Variants in FHOD3 observed in about 807,000 individuals in gnomAD.
FHOD3 encodes formin homology 2 domain containing 3.
A neutral mutation model predicts 173.0 loss-of-function variants in FHOD3; 90 were observed. The observed-to-expected ratio is 0.52, with a 90% CI of 0.44 to 0.62. The LOEUF (loss-of-function observed/expected upper bound fraction) is 0.62. Ranked by LOEUF, FHOD3 falls within the 20% of genes least tolerant of loss-of-function variation. FHOD3 has a pLI of 0.00. For missense variants in FHOD3, 1,945 were observed against 2,034.7 expected, an observed-to-expected ratio of 0.96 and a Z score of 0.85; for synonymous variants, 828 against 823.0, an observed-to-expected ratio of 1.01 and a Z score of -0.10.
chr18:36,440,303 C>T (rs2051061374), intron 3 of FHOD3, among the ~76,000 whole-genome samples: 1 of 152,224 alleles, frequency 6.6e-6, no homozygotes, highest in Non-Finnish European at 1.5e-5. Flanking sequence ...GCAGCAGAAG[C>T]AGGCGCAGGG....
intron 15 of FHOD3, among the ~76,000 whole-genome samples, chr18:36,683,644 T>C (rs907667708): frequency 6.6e-6 from 1 of 152,186 alleles, no homozygotes; most frequent in Admixed American, 6.5e-5. Flanking sequence ...AGAAGTCCTC[T>C]TTTTCCAGAC....
Position 36,493,961 on chromosome 18 carries a change from C to T in FHOD3, c.338-7971C>T, listed in dbSNP as rs185220570. Among the ~76,000 whole-genome samples, 32 of 152,294 alleles carry T rather than the reference C, an allele frequency of 2.1e-4. No individual in the cohort carries two copies. The East Asian group carries it at 3.7e-3, about 17-fold the overall frequency. ...TGTAATTATTAGTCTCACAGTTCAG[C>T]GATTTTTATAGACCCCAAAGCGTGA... On this transcript the variant is annotated intron_variant, in intron 3 of 28. Coordinates refer to ENST00000590592, the MANE Select transcript of FHOD3 (RefSeq NM_001281740.3).
chr18:36,430,847 C>T (rs868792698), intron 3 of FHOD3, among the ~76,000 whole-genome samples: 6 of 152,180 alleles, frequency 3.9e-5, no homozygotes, highest in Middle Eastern at 6.8e-3. Context: ...TGTTTAAAAA[C>T]AATCTGTTGT....
At chr18:36,307,585 C>A (rs748930047) in intron 1 of FHOD3, among the ~76,000 whole-genome samples, 4 of 152,178 alleles carry the variant, frequency 2.6e-5, no homozygotes, top group Non-Finnish European at 5.9e-5. Context: ...TTACTCAGAT[C>A]AGTATGTGTT....
chr18:36,655,745 C>CCACA (rs60138204), intron 13 of FHOD3, among the ~76,000 whole-genome samples: 36 of 137,952 alleles, frequency 2.6e-4, no homozygotes, highest in Middle Eastern at 7.4e-3. Flanking sequence ...CCCTCACCCT[C>CCACA]CACACACACA....
At chr18:36,545,390 A>T (rs1044953795) in intron 5 of FHOD3, among the ~76,000 whole-genome samples, 16 of 152,236 alleles carry the variant, frequency 1.1e-4, no homozygotes, top group Non-Finnish European at 1.9e-4. Context: ...GACACTATTT[A>T]TACAGGGTGG....
rs2036164815 is a variant in FHOD3, at chr18:36,652,938, G to T, written c.1646+9G>T. On this transcript the variant is annotated intron_variant, in intron 12 of 28. Transcript: ENST00000590592. The stretch of plus-strand genomic sequence containing the variant: ...TCCCAGAAGGAAAACAGGTAGATTT[G>T]CTCACCTGGAGGCTTGTTTGAGATT... The T allele has an allele frequency of 1.3e-6, 2 of 1,525,886 alleles. No homozygotes were observed. Among genetic ancestry groups the T allele is most frequent in the East Asian group, 2.5e-5 (1 of 40,730 alleles). 94.5% of individuals were successfully genotyped at this position (1,525,886 alleles called of 1,614,324 possible).
Position 36,631,753 on chromosome 18 carries a change from A to G in FHOD3, c.1196+6004A>G, listed in dbSNP as rs542855965. 2.0e-5 allele frequency among the ~76,000 whole-genome samples: 3 copies of G among 152,318 alleles called. No homozygotes were observed. The South Asian group carries it at 6.2e-4, about 32-fold the overall frequency. On this transcript the variant is annotated intron_variant, in intron 10 of 28. Transcript: ENST00000590592. The stretch of plus-strand genomic sequence containing the variant: ...TTTAGGTGGTCTAGCTCCAGAGTCC[A>G]TGTCCTCACCATTCTCCTAAATAAC...
chr18:36,371,167 G>T (rs972233436), intron 2 of FHOD3, among the ~76,000 whole-genome samples: 3 of 152,198 alleles, frequency 2.0e-5, no homozygotes, highest in Non-Finnish European at 4.4e-5. Flanking sequence ...AGGGGACTCT[G>T]AATGCAGACT....
At chr18:36,678,277 T>A (rs1169724444) in intron 14 of FHOD3, among the ~76,000 whole-genome samples, 1 of 152,078 alleles carries the variant, frequency 6.6e-6, no homozygotes, top group Non-Finnish European at 1.5e-5. Flanking sequence ...TAGTGGCTCA[T>A]GCCTGTAATC....
intron 5 of FHOD3, among the ~76,000 whole-genome samples, chr18:36,570,691 A>G (rs922089159): frequency 2.6e-5 from 4 of 152,124 alleles, no homozygotes; most frequent in African/African-American, 9.6e-5. Context: ...CATGGTCAAA[A>G]AGGATGCAAG....
intron 3 of FHOD3, among the ~76,000 whole-genome samples, chr18:36,460,978 T>C (rs1371381030): frequency 6.6e-6 from 1 of 152,120 alleles, no homozygotes; most frequent in East Asian, 1.9e-4. Context: ...GCAGTGGTAA[T>C]TATGGGGGCC....
intron 14 of FHOD3, among the ~76,000 whole-genome samples, chr18:36,668,271 C>A (rs2037309925): frequency 6.6e-6 from 1 of 152,046 alleles, no homozygotes; most frequent in South Asian, 2.1e-4. Flanking sequence ...TCAAGAAATT[C>A]TTCCATTTCA....
chr18:36,388,576 C>T (rs529134094), intron 3 of FHOD3, among the ~76,000 whole-genome samples: 1 of 152,200 alleles, frequency 6.6e-6, no homozygotes, highest in Admixed American at 6.5e-5. Flanking sequence ...TCGGCAGAGC[C>T]TGGGTTGTGG....
chr18:36,480,873 G>A (rs1406625301), intron 3 of FHOD3, among the ~76,000 whole-genome samples: 1 of 152,138 alleles, frequency 6.6e-6, no homozygotes, highest in Non-Finnish European at 1.5e-5. Flanking sequence ...GTCTCCAAAT[G>A]GGGATTCCAG....
At chr18:36,524,805 G>C (rs567745021) in intron 5 of FHOD3, among the ~76,000 whole-genome samples, 27 of 152,208 alleles carry the variant, frequency 1.8e-4, no homozygotes, top group Admixed American at 1.6e-3. Context: ...TTCTATGGTT[G>C]GGGGCTTCTA....
At chr18:36,633,049 G>C (rs1032534426) in intron 10 of FHOD3, among the ~76,000 whole-genome samples, 2 of 152,180 alleles carry the variant, frequency 1.3e-5, no homozygotes, top group Non-Finnish European at 2.9e-5. Context: ...CCCTTAGGTG[G>C]GCTGTCCGCA....
chr18:36,638,574 A>G (rs990462), intron 10 of FHOD3, among the ~76,000 whole-genome samples: 129,823 of 152,128 alleles, frequency 0.85, 55,575 homozygotes, highest in East Asian at 1. Flanking sequence ...TATTGATGCC[A>G]AGCTACTGGG....
At chr18:36,399,115 G>C (rs1444240659) in intron 3 of FHOD3, among the ~76,000 whole-genome samples, 1 of 152,210 alleles carries the variant, frequency 6.6e-6, no homozygotes, top group Non-Finnish European at 1.5e-5. Flanking sequence ...CACCCTTCCA[G>C]GAAGGGGACA....
Sources: gnomAD v4.1 joint callset for allele counts (sites outside exome capture counted in the v4.1 genomes callset) on GRCh38, gnomAD v4.1.1 for gene constraint, MANE v1.5 for transcripts, NCBI Gene and HGNC (gene_info 2026-07-23, HGNC 2026-07-21) for gene names.